The following MAGI3 variants were observed in gnomAD, a reference collection of about 807,000 sequenced individuals.
The protein encoded by MAGI3 is membrane-associated guanylate kinase, WW and PDZ domain-containing protein 3.
MAGI3 carries 43 observed loss-of-function variants against 121.8 expected under a neutral mutation model. The ratio of observed to expected loss-of-function variants is 0.35; its 90% CI spans 0.28 to 0.46. The LOEUF is 0.46. MAGI3 is among the 20% of genes least tolerant of loss of function. The pLI is 1.00. For synonymous variants in MAGI3, 553 were observed against 639.3 expected (o/e 0.86, Z 2.04); for missense variants, 1,547 against 1,797.3 (o/e 0.86, Z 2.52).
At chr1:113,511,334 T>G (rs1400022093) in intron 1 of MAGI3, among the ~76,000 whole-genome samples, 3 of 152,202 alleles carry the variant, frequency 2.0e-5, no homozygotes, top group Non-Finnish European at 4.4e-5. Context: ...TAAAACTAAG[T>G]TAAATAGCCC....
At chr1:113,553,640 A>T (rs1659870954) in intron 2 of MAGI3, among the ~76,000 whole-genome samples, 1 of 152,226 alleles carries the variant, frequency 6.6e-6, no homozygotes, top group South Asian at 2.1e-4. Flanking sequence ...ACCCCAAAGG[A>T]TCAAGTGAAT....
At chr1:113,420,767 G>A (rs1373204722) in intron 1 of MAGI3, among the ~76,000 whole-genome samples, 1 of 152,166 alleles carries the variant, frequency 6.6e-6, no homozygotes, top group Non-Finnish European at 1.5e-5. Context: ...ACCAATTTCA[G>A]TAGTTTTAGT....
chr1:113,391,327 C>G lies in MAGI3; in HGVS notation c.294C>G (p.Ile98Met). ...LAVIRHFREP[I>M]RLKTVKPGKV... ...TCATCCGCCACTTCCGCGAGCCCAT[C>G]CGTCTCAAGACTGTGAAACCAGGTA... is the stretch of plus-strand genomic sequence containing the variant. The change falls in exon 1 of 21, where the codon ATC (isoleucine) becomes ATG (methionine). Residue 98 changes from isoleucine (I) to methionine (M), a missense_variant. By Grantham distance (10) the Ile-to-Met change is conservative (BLOSUM62 1). Coordinates refer to ENST00000307546, the MANE Select transcript of MAGI3 (RefSeq NM_001142782.2). The surrounding 1 kb of genome is among the most constrained non-coding windows in gnomAD (Gnocchi z 4.4). 1 of 1,597,904 alleles carries G rather than the reference C, an allele frequency of 6.3e-7. No homozygotes were observed. Among genetic ancestry groups the G allele is most frequent in the Non-Finnish European group, 8.5e-7 (1 of 1,173,012 alleles).
chr1:113,556,544 T>G (rs1246935076), intron 2 of MAGI3, among the ~76,000 whole-genome samples: 1 of 148,544 alleles, frequency 6.7e-6, no homozygotes, highest in Non-Finnish European at 1.5e-5. Context: ...TGTAAGTGTA[T>G]GATAAAGATT....
rs187634998 is a variant in MAGI3 at position 113,412,014 on chromosome 1, C to T, written c.316+20665C>T. 3.8e-3 allele frequency among the ~76,000 whole-genome samples: 547 copies of T among 145,040 alleles called. 3 individuals are homozygous for T. The highest frequency in any genetic ancestry group is 0.013 in the African/African-American group (521 of 39,216). ...CATTAGGTATTTCTCCTAATGCTAT[C>T]CCTCTCCCCTCCCCCCACCCCCGAC... On this transcript the variant is annotated intron_variant, in intron 1 of 20. Coordinates refer to ENST00000307546, the MANE Select transcript of MAGI3 (RefSeq NM_001142782.2).
chr1:113,430,377 G>A (rs1297338780), intron 1 of MAGI3, among the ~76,000 whole-genome samples: 1 of 152,168 alleles, frequency 6.6e-6, no homozygotes, highest in Non-Finnish European at 1.5e-5. Context: ...CATTGTTCTT[G>A]TAGTTCATGA....
At chr1:113,503,968 G>T (rs1288503391) in intron 1 of MAGI3, among the ~76,000 whole-genome samples, 1 of 151,942 alleles carries the variant, frequency 6.6e-6, no homozygotes, top group African/African-American at 2.4e-5. Context: ...TGACCTTTAG[G>T]ATCTTTTATC....
intron 1 of MAGI3, among the ~76,000 whole-genome samples, chr1:113,395,087 G>GTTTTTTTTTTTTTTTTTTTTTTT (rs139532433): frequency 9.0e-5 from 3 of 33,244 alleles, no homozygotes; most frequent in Non-Finnish European, 1.5e-4. Flanking sequence ...CTTTTTGTTA[G>GTTTTTTTTTTTTTTTTTTTTTTT]TTTTTTTTTT....
At chr1:113,420,967 TTTG>T (rs1652703903) in intron 1 of MAGI3, among the ~76,000 whole-genome samples, 1 of 152,206 alleles carries the variant, frequency 6.6e-6, no homozygotes, top group Non-Finnish European at 1.5e-5. Context: ...ATGTAGCAAA[TTTG>T]TTTTCTCCAT....
chr1:113,438,914 A>G (rs1653775422), intron 1 of MAGI3, among the ~76,000 whole-genome samples: 1 of 152,202 alleles, frequency 6.6e-6, no homozygotes, highest in South Asian at 2.1e-4. Context: ...TGGCAGCCTC[A>G]GCATTCAATT....
Position 113,683,303 on chromosome 1 carries a change from T to G in MAGI3, c.3735T>G (p.Asn1245Lys). The change falls in exon 21 of 21, where the codon AAT (asparagine) becomes AAG (lysine). Residue 1245 changes from asparagine to lysine, a missense_variant. Transcript: ENST00000307546. ...HLDKIPSPLK[N>K]NPKRRPRDQS... ...ATAAGATTCCTAGTCCTCTAAAAAA[T>G]AACCCCAAAAGAAGACCCAGAGATC... The G allele has an allele frequency of 6.2e-7, 1 of 1,612,086 alleles. No homozygotes were observed. The highest frequency in any genetic ancestry group is 1.3e-5 in the African/African-American group (1 of 74,718).
At chr1:113,404,797 C>A (rs1321442362) in intron 1 of MAGI3, among the ~76,000 whole-genome samples, 1 of 151,974 alleles carries the variant, frequency 6.6e-6, no homozygotes, top group Non-Finnish European at 1.5e-5. Context: ...TAGCAGAGCA[C>A]TGGAGGGAAG....
intron 1 of MAGI3, among the ~76,000 whole-genome samples, chr1:113,477,482 A>G (rs1655888621): frequency 6.6e-6 from 1 of 152,128 alleles, no homozygotes; most frequent in Admixed American, 6.5e-5. Context: ...TCCTTCACTT[A>G]TGAAGCTTAT....
At chr1:113,508,012 G>A (rs1047949759) in intron 1 of MAGI3, among the ~76,000 whole-genome samples, 4 of 152,058 alleles carry the variant, frequency 2.6e-5, no homozygotes, top group African/African-American at 9.7e-5. Flanking sequence ...GCTAAGCCTA[G>A]GTCAAGTTTT....
chr1:113,681,117 G>T (rs1176438993), intron 19 of MAGI3, 81 bp from the exon 20 acceptor site: 3 of 1,522,022 alleles, frequency 2.0e-6, no homozygotes, highest in Non-Finnish European at 2.7e-6. Context: ...TAGCAAGGTT[G>T]AATGGCTCAA....
chr1:113,667,810 G>T (rs1316895489), intron 16 of MAGI3, among the ~76,000 whole-genome samples: 3 of 152,180 alleles, frequency 2.0e-5, no homozygotes, highest in Non-Finnish European at 4.4e-5. Flanking sequence ...AGAGGTCATT[G>T]TAGGGTTATT....
At chr1:113,628,553 T>G (rs1651390799) in intron 9 of MAGI3, among the ~76,000 whole-genome samples, 1 of 152,226 alleles carries the variant, frequency 6.6e-6, no homozygotes, top group South Asian at 2.1e-4. Flanking sequence ...TTAATGTCCT[T>G]TTCTTTCGCA....
chr1:113,391,469 G>A lies in MAGI3; in HGVS notation c.316+120G>A, dbSNP rs1387115106. The A allele has an allele frequency of 1.1e-5, 13 of 1,155,810 alleles. No individual in the cohort carries two copies. Among genetic ancestry groups the A allele is most frequent in the Middle Eastern group, 2.7e-4 (1 of 3,762 alleles). 71.6% of individuals were successfully genotyped at this position (1,155,810 alleles called of 1,614,324 possible). A position where few individuals can be genotyped will look rare whatever the true frequency, so the allele number is the denominator to read the frequency against. The stretch of plus-strand genomic sequence containing the variant: ...TCCCGGGTAATCTTAGACCTCTAGG[G>A]TGTGCCAGACTCCTTGACGAGGGGG... On this transcript the variant is annotated intron_variant, in intron 1 of 20. Coordinates refer to ENST00000307546, the MANE Select transcript of MAGI3 (RefSeq NM_001142782.2). This position sits in a 1 kb window ranked among gnomAD's most constrained non-coding sequence, Gnocchi z 4.4.
chr1:113,483,871 G>A (rs1454459778), intron 1 of MAGI3, among the ~76,000 whole-genome samples: 1 of 151,974 alleles, frequency 6.6e-6, no homozygotes. Flanking sequence ...AAGCACACTT[G>A]TACTTTTTCT....
Sources: allele counts gnomAD v4.1 joint callset (sites outside exome capture counted in the v4.1 genomes callset), GRCh38; gene constraint gnomAD v4.1.1; non-coding constraint Gnocchi (gnomAD v3.1); transcripts MANE v1.5; gene names NCBI Gene and HGNC (gene_info 2026-07-23, HGNC 2026-07-21).